Variants in CDK8 observed in about 807,000 individuals in gnomAD.
CDK8 encodes cyclin dependent kinase 8.
CDK8 carries 29 observed loss-of-function variants against 71.5 expected under a neutral mutation model. That is an observed-to-expected ratio of 0.41 (90% CI 0.30 to 0.55). The LOEUF (loss-of-function observed/expected upper bound fraction) is 0.55, where lower values mean the gene tolerates loss of function less well. CDK8 is among the 20% of genes least tolerant of loss of function. The pLI is 0.37. For missense variants in CDK8, 288 were observed against 572.6 expected, an observed-to-expected ratio of 0.50 and a Z score of 5.07; for synonymous variants, 161 against 192.1, an observed-to-expected ratio of 0.84 and a Z score of 1.34.
intron 6 of CDK8, among the ~76,000 whole-genome samples, chr13:26,387,721 T>C (rs1875547205): frequency 6.6e-6 from 1 of 152,220 alleles, no homozygotes; most frequent in East Asian, 1.9e-4. Context: ...CTCTGAACTG[T>C]CTTGTCTGCC....
In CDK8 at chr13:26,382,889, T is replaced by C; in HGVS notation, c.514+18T>C. The C allele has an allele frequency of 6.4e-7, 1 of 1,559,042 alleles. No individual in the cohort carries two copies. The highest frequency in any genetic ancestry group is 8.7e-7 in the Non-Finnish European group (1 of 1,145,562). The stretch of plus-strand genomic sequence containing the variant: ...AAAAATTGGTATGTTATATCTTTGC[T>C]AAGTCACAGTGTAGCACTTTTTTAA... On this transcript the variant is annotated intron_variant, in intron 5 of 12. Coordinates refer to ENST00000381527, the MANE Select transcript of CDK8 (RefSeq NM_001260.3).
At chr13:26,367,332 G>A (rs1233865876) in intron 4 of CDK8, among the ~76,000 whole-genome samples, 1 of 151,956 alleles carries the variant, frequency 6.6e-6, no homozygotes, top group African/African-American at 2.4e-5. Context: ...AATAAGAAAG[G>A]GTTGCACATG....
intron 1 of CDK8, among the ~76,000 whole-genome samples, chr13:26,288,941 G>A (rs1873159373): frequency 6.6e-6 from 1 of 151,898 alleles, no homozygotes; most frequent in Admixed American, 6.6e-5. Flanking sequence ...GGTAGAGATG[G>A]GGTTTCACTA....
At chr13:26,376,761 A>C (rs757311270) in intron 4 of CDK8, among the ~76,000 whole-genome samples, 1 of 152,194 alleles carries the variant, frequency 6.6e-6, no homozygotes, top group Non-Finnish European at 1.5e-5. Flanking sequence ...AGAATTTTGT[A>C]ATTTAAAAAC....
At chr13:26,392,770 A>G (rs537955587) in intron 6 of CDK8, among the ~76,000 whole-genome samples, 2 of 152,306 alleles carry the variant, frequency 1.3e-5, no homozygotes, top group South Asian at 4.1e-4. Flanking sequence ...AAATGCTGTT[A>G]ATTCTTAGGC....
chr13:26,298,321 C>A (rs1469333178), intron 1 of CDK8, among the ~76,000 whole-genome samples: 2 of 152,030 alleles, frequency 1.3e-5, no homozygotes, highest in Non-Finnish European at 2.9e-5. Flanking sequence ...AAAAATTGAT[C>A]TCATTGTTAT....
chr13:26,260,463 T>C (rs983652424), intron 1 of CDK8, among the ~76,000 whole-genome samples: 1 of 152,180 alleles, frequency 6.6e-6, no homozygotes, highest in Admixed American at 6.5e-5. Flanking sequence ...CCTGGGGCTC[T>C]GGTTGGCAAA....
intron 1 of CDK8, among the ~76,000 whole-genome samples, chr13:26,273,664 A>AAAT (rs1566466610): frequency 2.0e-5 from 3 of 150,368 alleles, no homozygotes; most frequent in African/African-American, 7.3e-5. Context: ...TGCTTTAAAA[A>AAAT]ATATATATAT....
chr13:26,399,973 G>A (rs1423123610), intron 9 of CDK8: 1 of 195,126 alleles, frequency 5.1e-6, no homozygotes, highest in African/African-American at 2.4e-5. Context: ...GCACAGTGCA[G>A]TAGCGTAGCC....
chr13:26,314,700 G>A lies in CDK8; in HGVS notation c.129-22867G>A, dbSNP rs542475325. On this transcript the variant is annotated intron_variant, in intron 1 of 12. Coordinates refer to ENST00000381527, the MANE Select transcript of CDK8 (RefSeq NM_001260.3). ...GTGTAATATGGGAAAATTTGGCATT[G>A]TAGTAGCCCATGCTTTACCTGCTTT... Among the ~76,000 whole-genome samples, 10 of 152,292 alleles carry A rather than the reference G, an allele frequency of 6.6e-5. No homozygotes were observed. The East Asian group carries it at 1.9e-3, about 29-fold the overall frequency.
intron 1 of CDK8, among the ~76,000 whole-genome samples, chr13:26,271,610 C>G (rs1368548765): frequency 6.6e-6 from 1 of 151,782 alleles, no homozygotes; most frequent in Non-Finnish European, 1.5e-5. Context: ...GAGTTTGAGA[C>G]CAGCCTGGGC....
At chr13:26,321,590 A>G (rs1342703182) in intron 1 of CDK8, among the ~76,000 whole-genome samples, 4 of 152,180 alleles carry the variant, frequency 2.6e-5, no homozygotes, top group Non-Finnish European at 4.4e-5. Context: ...CAATGTGTGT[A>G]ATAAGCTATG....
chr13:26,326,709 T>C (rs995349266), intron 1 of CDK8, among the ~76,000 whole-genome samples: 1 of 152,200 alleles, frequency 6.6e-6, no homozygotes, highest in Non-Finnish European at 1.5e-5. Context: ...AGAGCCAATG[T>C]GTTTTACTGC....
chr13:26,385,131 ATAAGATGGTAAATTAGAC>A (rs1481319502), intron 5 of CDK8, 62 bp from the exon 6 acceptor site: 14 of 1,152,030 alleles, frequency 1.2e-5, no homozygotes, highest in Middle Eastern at 2.7e-4. Context: ...ATCTTACTGA[ATAAGATGGTAAATTAGAC>A]TAATTGGTTA....
chr13:26,371,882 T>C (rs1874707416), intron 4 of CDK8, among the ~76,000 whole-genome samples: 1 of 152,150 alleles, frequency 6.6e-6, no homozygotes, highest in Admixed American at 6.5e-5. Flanking sequence ...CCTCCCAAAG[T>C]GCTGAGATTA....
In CDK8 at chr13:26,363,280, A is replaced by G. The variant is rs546168671; in HGVS notation, c.456+9400A>G. Reference sequence around the variant, plus strand: ...GAGGTGGAGCTGGCAGTGAGCCGAGATCGCACCACTGCACTCCAGCCTGGG... The same window carrying G: ...GAGGTGGAGCTGGCAGTGAGCCGAGGTCGCACCACTGCACTCCAGCCTGGG... On this transcript the variant is annotated intron_variant, in intron 4 of 12. Coordinates refer to ENST00000381527, the MANE Select transcript of CDK8 (RefSeq NM_001260.3). 1.7e-4 allele frequency among the ~76,000 whole-genome samples: 22 copies of G among 130,490 alleles called. No individual in the cohort carries two copies. The South Asian group carries it at 5.0e-3, about 30-fold the overall frequency. 85.6% of individuals were successfully genotyped at this position (130,490 alleles called of 152,430 possible). A position where few individuals can be genotyped will look rare whatever the true frequency, so the allele number is the denominator to read the frequency against.
Position 26,337,660 on chromosome 13 carries a change from TATC to T in CDK8, c.204+22_204+24del, listed in dbSNP as rs763604427. On this transcript the variant is annotated intron_variant, in intron 2 of 12. Transcript: ENST00000381527. ...AAATAGCAGTAAGTGAAGTTCTTTTTATCATCGTTATTATCAACTGACTTATGA... is the reference window on the plus strand; with the variant it reads ...AAATAGCAGTAAGTGAAGTTCTTTTTATCGTTATTATCAACTGACTTATGA... The T allele has an allele frequency of 2.4e-6, 3 of 1,241,286 alleles. No homozygotes were observed. The highest frequency in any genetic ancestry group is 5.3e-5 in the East Asian group (2 of 38,020). 76.9% of individuals were successfully genotyped at this position (1,241,286 alleles called of 1,614,324 possible). A position where few individuals can be genotyped will look rare whatever the true frequency, so the allele number is the denominator to read the frequency against.
At chr13:26,315,735 T>C (rs956756911) in intron 1 of CDK8, among the ~76,000 whole-genome samples, 1 of 152,196 alleles carries the variant, frequency 6.6e-6, no homozygotes, top group Non-Finnish European at 1.5e-5. Flanking sequence ...TAAGTCTCTG[T>C]TTTCTCATAT....
intron 1 of CDK8, among the ~76,000 whole-genome samples, chr13:26,313,481 G>T (rs1173319301): frequency 6.6e-6 from 1 of 152,126 alleles, no homozygotes; most frequent in Non-Finnish European, 1.5e-5. Flanking sequence ...GACGTGTTTG[G>T]GTTTTAGACA....
Sources: gnomAD v4.1 joint callset for allele counts (sites outside exome capture counted in the v4.1 genomes callset) on GRCh38, gnomAD v4.1.1 for gene constraint, MANE v1.5 for transcripts, NCBI Gene and HGNC (gene_info 2026-07-23, HGNC 2026-07-21) for gene names.